Variants in CREB5 observed in about 807,000 individuals in gnomAD.
CREB5 encodes cyclic AMP-responsive element-binding protein 5.
CREB5 carries 19 observed loss-of-function variants against 57.1 expected under a neutral mutation model. The observed-to-expected ratio is 0.33, with a 90% CI of 0.23 to 0.49. The LOEUF (loss-of-function observed/expected upper bound fraction) is 0.49. Ranked by LOEUF, CREB5 falls within the 20% of genes least tolerant of loss-of-function variation. The probability of loss-of-function intolerance (pLI) is 0.99; values close to 1 mark genes in which losing one functional copy is unlikely to be tolerated. For missense variants in CREB5, 579 were observed against 671.6 expected, an observed-to-expected ratio of 0.86 and a Z score of 1.52; for synonymous variants, 238 against 238.3, an observed-to-expected ratio of 1.00 and a Z score of 0.01.
intron 1 of CREB5, among the ~76,000 whole-genome samples, chr7:28,438,040 G>A (rs570074221): frequency 2.6e-5 from 4 of 152,024 alleles, no homozygotes; most frequent in South Asian, 2.1e-4. Context: ...GGGATGCATC[G>A]TGATGCATCA....
intron 1 of CREB5, among the ~76,000 whole-genome samples, chr7:28,333,756 A>G (rs1287845483): frequency 1.3e-5 from 2 of 152,174 alleles, no homozygotes; most frequent in Non-Finnish European, 2.9e-5. Flanking sequence ...ATAGTACTCC[A>G]TTGTGTATAT....
chr7:28,778,675 AAAC>A (rs1264663541), intron 7 of CREB5, among the ~76,000 whole-genome samples: 2 of 152,214 alleles, frequency 1.3e-5, no homozygotes, highest in African/African-American at 4.8e-5. Context: ...ATAGTGCCAA[AAAC>A]AACAAAACAT....
chr7:28,560,979 T>TGTGCGCGTGTGTGC (rs1795226081), intron 4 of CREB5, among the ~76,000 whole-genome samples: 6 of 59,868 alleles, frequency 1.0e-4, no homozygotes, highest in South Asian at 7.9e-4. Flanking sequence ...TGTGCGTGTG[T>TGTGCGCGTGTGTGC]GCGTGCGTGT....
At chr7:28,307,131 T>C (rs1468010347) in intron 1 of CREB5, among the ~76,000 whole-genome samples, 1 of 152,038 alleles carries the variant, frequency 6.6e-6, no homozygotes, top group African/African-American at 2.4e-5. Flanking sequence ...CCCTTGCCCC[T>C]CCTCTAATGT....
At chr7:28,478,437 C>T (rs217510) in intron 1 of CREB5, among the ~76,000 whole-genome samples, 128,897 of 151,882 alleles carry the variant, frequency 0.85, 54,863 homozygotes, top group African/African-American at 0.91. Flanking sequence ...ATTTTTGCTC[C>T]TTTGGACTGA....
At chr7:28,407,967 A>G (rs1182143067), upstream of CREB5, among the ~76,000 whole-genome samples, 1 of 152,252 alleles carries the variant, frequency 6.6e-6, no homozygotes, top group African/African-American at 2.4e-5. Context: ...ATTATTGTTT[A>G]TTAACGAGGG....
At chr7:28,452,798 G>C (rs1048968064) in intron 1 of CREB5, among the ~76,000 whole-genome samples, 1 of 152,236 alleles carries the variant, frequency 6.6e-6, no homozygotes, top group Non-Finnish European at 1.5e-5. Flanking sequence ...GAGGGAAAAG[G>C]CCTGGGGGAC....
At chr7:28,403,682 G>T (rs747297811) in intron 1 of CREB5, among the ~76,000 whole-genome samples, 1 of 152,092 alleles carries the variant, frequency 6.6e-6, no homozygotes, top group Non-Finnish European at 1.5e-5. Context: ...GGAGCTGGGG[G>T]TCTGGTGGAT....
At chr7:28,543,764 C>T (rs986279249) in intron 4 of CREB5, among the ~76,000 whole-genome samples, 2 of 151,736 alleles carry the variant, frequency 1.3e-5, no homozygotes, top group African/African-American at 4.8e-5. Flanking sequence ...GGGCATTCTG[C>T]AAATGTTATC....
chr7:28,448,172 G>A (rs780055571), intron 1 of CREB5, among the ~76,000 whole-genome samples: 1 of 152,136 alleles, frequency 6.6e-6, no homozygotes, highest in African/African-American at 2.4e-5. Context: ...TCTTTCTCCC[G>A]TGCTGGATGC....
chr7:28,300,271 C>T (rs773146113), intron 1 of CREB5, among the ~76,000 whole-genome samples: 52 of 152,098 alleles, frequency 3.4e-4, no homozygotes, highest in Non-Finnish European at 5.6e-4. Context: ...TACACACTGA[C>T]TGAATGGGCT....
intron 7 of CREB5, among the ~76,000 whole-genome samples, chr7:28,738,623 G>T (rs1804169921): frequency 6.6e-6 from 1 of 152,242 alleles, no homozygotes; most frequent in Non-Finnish European, 1.5e-5. Context: ...TAAAGGGCAA[G>T]TCTGGACAAA....
chr7:28,720,435 A>G (rs748781642), intron 6 of CREB5, among the ~76,000 whole-genome samples: 11 of 152,210 alleles, frequency 7.2e-5, no homozygotes, highest in South Asian at 6.2e-4. Flanking sequence ...TAGCTGTCCA[A>G]TGTCACACAG....
At chr7:28,558,276 G>T (rs558536015) in intron 4 of CREB5, among the ~76,000 whole-genome samples, 150 of 152,270 alleles carry the variant, frequency 9.9e-4, no homozygotes, top group African/African-American at 3.6e-3. Context: ...GTGGTTCAAA[G>T]GTACTTATTC....
At position 28,691,963 on chromosome 7, in the gene CREB5, G is replaced by A. The variant is rs80155733; in HGVS notation, c.465-26790G>A. ...GCGAGTGGATTGCCAGAGCTCAGGAGTTTGAAACTAGCCTAGGCAACACGG... is the reference window on the plus strand; with the variant it reads ...GCGAGTGGATTGCCAGAGCTCAGGAATTTGAAACTAGCCTAGGCAACACGG... On this transcript the variant is annotated intron_variant, in intron 5 of 10. Transcript: ENST00000357727. Among the ~76,000 whole-genome samples the A allele has an allele frequency of 5.0e-3, 734 of 145,936 alleles. 2 individuals are homozygous for A. The highest frequency in any genetic ancestry group is 0.018 in the African/African-American group (710 of 39,114).
chr7:28,335,444 T>C (rs1237084130), intron 1 of CREB5, among the ~76,000 whole-genome samples: 1 of 152,098 alleles, frequency 6.6e-6, no homozygotes, highest in African/African-American at 2.4e-5. Context: ...GGTATTTAAT[T>C]TGATTTGTTG....
intron 7 of CREB5, among the ~76,000 whole-genome samples, chr7:28,766,781 T>C (rs1806018978): frequency 6.6e-6 from 1 of 152,152 alleles, no homozygotes; most frequent in Non-Finnish European, 1.5e-5. Context: ...TCAGCCACAT[T>C]GGTAAACTTT....
At chr7:28,431,759 A>G (rs1788720891) in intron 1 of CREB5, among the ~76,000 whole-genome samples, 1 of 152,176 alleles carries the variant, frequency 6.6e-6, no homozygotes, top group Non-Finnish European at 1.5e-5. Context: ...TTTTAGGTAC[A>G]GAGGCGTTCT....
At chr7:28,403,600 C>A (rs927321787) in intron 1 of CREB5, among the ~76,000 whole-genome samples, 6 of 152,088 alleles carry the variant, frequency 3.9e-5, no homozygotes, top group African/African-American at 1.4e-4. Flanking sequence ...TGATCACACA[C>A]CTAGTAAGTG....
Sources: gnomAD v4.1 joint callset for allele counts (sites outside exome capture counted in the v4.1 genomes callset) on GRCh38, gnomAD v4.1.1 for gene constraint, MANE v1.5 for transcripts, NCBI Gene and HGNC (gene_info 2026-07-23, HGNC 2026-07-21) for gene names.